ABCA4: variants seen among roughly 807,000 people sequenced by gnomAD.
The protein encoded by ABCA4 is ATP binding cassette subfamily A member 4.
Under a neutral mutation model 263.7 loss-of-function variants are expected in ABCA4, and 196 were observed. The observed-to-expected ratio is 0.74, with a 90% confidence interval of 0.66 to 0.84. The LOEUF (loss-of-function observed/expected upper bound fraction) is 0.84, where lower values mean the gene tolerates loss of function less well. ABCA4 is among the 40% of genes least tolerant of loss of function. The pLI, the probability that ABCA4 is intolerant of heterozygous loss-of-function variation, is 0.00. For missense variants in ABCA4, 2,792 were observed against 2,855.1 expected (o/e 0.98, Z 0.50); for synonymous variants, 1,133 against 1,094.2 (o/e 1.04, Z -0.70).
At chr1:94,035,853 C>T (rs113419843) in intron 26 of ABCA4, among the ~76,000 whole-genome samples, 16 of 152,314 alleles carry the variant, frequency 1.1e-4, no homozygotes, top group Non-Finnish European at 2.2e-4. Flanking sequence ...CTCACACATG[C>T]TTTGTGTGGC....
At chr1:94,118,226 C>T (rs954091123) in intron 1 of ABCA4, among the ~76,000 whole-genome samples, 5 of 152,156 alleles carry the variant, frequency 3.3e-5, no homozygotes, top group African/African-American at 9.6e-5. Flanking sequence ...AGGTGATGCA[C>T]TTAGTACAGT....
chr1:94,092,971 C>T lies in ABCA4; in HGVS notation c.768+5823G>A, dbSNP rs186280248. ...CTGTGTAGGACAAGTCTTATTTTCT[C>T]GATTTTACGGATGGGAGGCTAAGAT... On this transcript the variant is annotated intron_variant, in intron 6 of 49. Transcript: ENST00000370225. Among the ~76,000 whole-genome samples the T allele has an allele frequency of 3.3e-4, 51 of 152,266 alleles. 1 individual carries two copies. Among genetic ancestry groups the T allele is most frequent in the Admixed American group, 3.2e-3 (49 of 15,298 alleles).
At chr1:94,007,919 G>C (rs1237874548) in intron 42 of ABCA4, among the ~76,000 whole-genome samples, 179 bp from the exon 43 acceptor site, 1 of 152,066 alleles carries the variant, frequency 6.6e-6, no homozygotes, top group Admixed American at 6.6e-5. Context: ...CAGTTGACAC[G>C]GGCCCTGAGT....
intron 7 of ABCA4, 126 bp from the exon 8 acceptor site, chr1:94,080,844 A>C: frequency 2.8e-6 from 4 of 1,408,354 alleles, no homozygotes; most frequent in Non-Finnish European, 3.9e-6. Flanking sequence ...ATTCTCAGCA[A>C]TCCTTAATCC....
At chr1:93,998,689 A>G (rs927130434) in intron 47 of ABCA4, among the ~76,000 whole-genome samples, 4 of 147,002 alleles carry the variant, frequency 2.7e-5, no homozygotes, top group African/African-American at 5.1e-5. Context: ...CTGAAGTCAA[A>G]GGTAGTTTTA....
At chr1:94,031,393 C>G (rs4147842) in intron 27 of ABCA4, among the ~76,000 whole-genome samples, 1 of 152,166 alleles carries the variant, frequency 6.6e-6, no homozygotes, top group Non-Finnish European at 1.5e-5. Context: ...GAGCAAGTCA[C>G]GTGACTCACT....
chr1:93,995,382 G>A (rs1658971242), intron 49 of ABCA4, among the ~76,000 whole-genome samples: 2 of 152,184 alleles, frequency 1.3e-5, no homozygotes, highest in African/African-American at 4.8e-5. Flanking sequence ...GAAGAGAGTG[G>A]CTAATTCATC....
chr1:94,062,585 C>T lies in ABCA4; in HGVS notation c.1929G>A (p.Val643=). 1 of 1,614,178 alleles carries T rather than the reference C, an allele frequency of 6.2e-7. No homozygotes were observed. The highest frequency in any genetic ancestry group is 1.6e-4 in the Middle Eastern group (1 of 6,062). ...GCGAACTTCAGACTCACGAATCGTC[C>T]ACGAAGCAGGGGTAGGGCATCTGCT... is the stretch of plus-strand genomic sequence containing the variant. ...YLQQMPYPCF[V]DDSFMIILNR... is the part of the protein sequence containing the mutation. The change falls in exon 13 of 50, where the codon GTG becomes GTA. Residue 643 remains valine, a synonymous_variant. Coordinates refer to ENST00000370225, the MANE Select transcript of ABCA4 (RefSeq NM_000350.3).
chr1:94,119,434 G>A (rs1018176644), intron 1 of ABCA4, among the ~76,000 whole-genome samples: 1 of 152,158 alleles, frequency 6.6e-6, no homozygotes, highest in Non-Finnish European at 1.5e-5. Flanking sequence ...CATGGTTGAA[G>A]CGTGTCCCAT....
In ABCA4 at chr1:94,083,236, G is replaced by T. The variant is rs1175685173; in HGVS notation, c.858+116C>A. The T allele has an allele frequency of 2.1e-5, 20 of 971,878 alleles. No homozygotes were observed. In the South Asian group the frequency reaches 2.3e-4, roughly 11 times the overall value. 60.2% of individuals were successfully genotyped at this position (971,878 alleles called of 1,614,324 possible). A position where few individuals can be genotyped will look rare whatever the true frequency, so the allele number is the denominator to read the frequency against. The stretch of plus-strand genomic sequence containing the variant: ...GTGCTTTGAAATTGCTAGATGGAAA[G>T]ATCAAATGTACTTTTCCTTGAACAG... On this transcript the variant is annotated intron_variant, in intron 7 of 49. Coordinates refer to ENST00000370225, the MANE Select transcript of ABCA4 (RefSeq NM_000350.3).
intron 2 of ABCA4, 80 bp from the exon 3 acceptor site, chr1:94,111,659 G>A: frequency 6.4e-7 from 1 of 1,558,532 alleles, no homozygotes; most frequent in Non-Finnish European, 8.8e-7. Context: ...TGGCCTTTTT[G>A]GGAAGGGGCC....
intron 6 of ABCA4, among the ~76,000 whole-genome samples, chr1:94,095,186 G>A (rs1186565360): frequency 1.3e-5 from 2 of 152,178 alleles, no homozygotes; most frequent in Non-Finnish European, 2.9e-5. Flanking sequence ...GTAAGGCCAT[G>A]GGTACTGCCT....
chr1:94,107,842 T>C (rs1001505458), intron 4 of ABCA4, among the ~76,000 whole-genome samples: 4 of 152,330 alleles, frequency 2.6e-5, no homozygotes, highest in African/African-American at 9.6e-5. Flanking sequence ...TTTCATCTTG[T>C]TCATTTTCTC....
chr1:94,063,046 C>T, intron 12 of ABCA4, 66 bp downstream of exon 12: 8 of 1,460,474 alleles, frequency 5.5e-6, no homozygotes, highest in Non-Finnish European at 7.7e-6. Context: ...CAATCCCTTT[C>T]TCTCTACCAA....
Position 94,010,106 on chromosome 1 carries a change from G to A in ABCA4, c.5714+694C>T, listed in dbSNP as rs145477946. On this transcript the variant is annotated intron_variant, in intron 40 of 49. Transcript: ENST00000370225. ...CACACTCAGCCTGAGAGGAGGAAAAGTTAAGAAACAAAACACTATTGGGGA... is the reference window on the plus strand; with the variant it reads ...CACACTCAGCCTGAGAGGAGGAAAAATTAAGAAACAAAACACTATTGGGGA... Among the ~76,000 whole-genome samples the A allele has an allele frequency of 2.3e-3, 353 of 152,346 alleles. 5 individuals are homozygous for A. Among genetic ancestry groups the A allele is most frequent in the African/African-American group, 8.1e-3 (337 of 41,586 alleles).
chr1:94,041,075 T>C (rs1660471910), intron 23 of ABCA4, 134 bp downstream of exon 23: 4 of 942,206 alleles, frequency 4.2e-6, no homozygotes, highest in Non-Finnish European at 6.7e-6. Context: ...CGAAATCTTC[T>C]GCAAATGGTC....
At position 94,014,652 on chromosome 1, in the gene ABCA4, A is replaced by C. The variant is rs746252741; in HGVS notation, c.5351T>G (p.Leu1784Arg). 2 of 1,614,268 alleles carry C rather than the reference A, an allele frequency of 1.2e-6. No individual in the cohort carries two copies. Among genetic ancestry groups the C allele is most frequent in the Middle Eastern group, 1.6e-4 (1 of 6,062 alleles). ...VIPMMYPASF[L>R]FDVPSTAYVA... Reference sequence around the variant, plus strand: ...ATAGGCTGTGCTGGGGACATCAAACAGGAAGGATGCTGGGTACATCATGGG... The same window carrying C: ...ATAGGCTGTGCTGGGGACATCAAACCGGAAGGATGCTGGGTACATCATGGG... The change falls in exon 38 of 50, where the codon CTG (leucine) becomes CGG (arginine). Residue 1784 changes from leucine to arginine, a missense_variant. Physicochemically the swap from Leu to Arg is moderately radical, Grantham distance 102 (BLOSUM62 -2). Coordinates refer to ENST00000370225, the MANE Select transcript of ABCA4 (RefSeq NM_000350.3).
At chr1:94,089,954 C>A (rs1015675616) in intron 6 of ABCA4, among the ~76,000 whole-genome samples, 2 of 152,210 alleles carry the variant, frequency 1.3e-5, no homozygotes, top group African/African-American at 4.8e-5. Flanking sequence ...TGGATTCCAT[C>A]CCAGCAGCTC....
intron 11 of ABCA4, among the ~76,000 whole-genome samples, chr1:94,076,667 C>T (rs532409504): frequency 2.6e-5 from 4 of 152,056 alleles, no homozygotes; most frequent in Admixed American, 6.6e-5. Context: ...ATTTGGGGGT[C>T]GAGTCATTAA....
Sources: gnomAD v4.1 joint callset for allele counts (sites outside exome capture counted in the v4.1 genomes callset) on GRCh38, gnomAD v4.1.1 for gene constraint, MANE v1.5 for transcripts, NCBI Gene and HGNC (gene_info 2026-07-23, HGNC 2026-07-21) for gene names.